Variants in SHTN1 observed in about 807,000 individuals in gnomAD.
The protein encoded by SHTN1 is shootin 1, also known as shootin-1.
SHTN1 carries 42 observed loss-of-function variants against 83.1 expected under a neutral mutation model. The observed-to-expected ratio is 0.51, with a 90% CI of 0.39 to 0.65. The LOEUF is 0.65. Ranked by LOEUF, SHTN1 falls within the 30% of genes least tolerant of loss-of-function variation. The probability of loss-of-function intolerance (pLI) is 0.00; values close to 1 mark genes in which losing one functional copy is unlikely to be tolerated. For synonymous variants in SHTN1, 224 were observed against 247.7 expected, an observed-to-expected ratio of 0.90 and a Z score of 0.90; for missense variants, 622 against 737.8, an observed-to-expected ratio of 0.84 and a Z score of 1.82.
At chr10:116,952,096 T>C (rs1235003362) in intron 5 of SHTN1, 90 bp from the exon 6 acceptor site, 6 of 559,582 alleles carry the variant, frequency 1.1e-5, no homozygotes, top group East Asian at 3.3e-5. Flanking sequence ...TGCCAGTCCA[T>C]GTGCAGCTTA....
At chr10:116,992,858 C>T (rs1851488480) in intron 1 of SHTN1, among the ~76,000 whole-genome samples, 1 of 151,866 alleles carries the variant, frequency 6.6e-6, no homozygotes, top group Non-Finnish European at 1.5e-5. Flanking sequence ...TTTTTGAGGC[C>T]TCTTTGTTCT....
intron 9 of SHTN1, among the ~76,000 whole-genome samples, chr10:116,936,286 G>C (rs1849157822): frequency 6.6e-6 from 1 of 152,072 alleles, no homozygotes; most frequent in Non-Finnish European, 1.5e-5. Context: ...GATCTTTCCT[G>C]CTTTCTCCTG....
At chr10:116,903,374 A>G (rs1412613464) in intron 15 of SHTN1, among the ~76,000 whole-genome samples, 1 of 152,066 alleles carries the variant, frequency 6.6e-6, no homozygotes, top group Non-Finnish European at 1.5e-5. Flanking sequence ...CTCTACTAGA[A>G]ATCAGCCAGG....
intron 7 of SHTN1, among the ~76,000 whole-genome samples, chr10:116,948,381 CACTG>C (rs1343017003): frequency 1.3e-5 from 2 of 152,214 alleles, no homozygotes; most frequent in African/African-American, 4.8e-5. Context: ...TCTCTTATTG[CACTG>C]ACTGTCAGAC....
chr10:117,111,740 A>C (rs969547871), intron 1 of SHTN1, among the ~76,000 whole-genome samples: 3 of 152,066 alleles, frequency 2.0e-5, no homozygotes, highest in African/African-American at 7.3e-5. Context: ...CCTACACTAA[A>C]ACTTAGAACT....
At chr10:116,896,449 T>A in intron 16 of SHTN1, among the ~76,000 whole-genome samples, 1 of 152,058 alleles carries the variant, frequency 6.6e-6, no homozygotes, top group East Asian at 1.9e-4. Context: ...CCAACCAGCT[T>A]CGGCTTGACT....
upstream of SHTN1, among the ~76,000 whole-genome samples, chr10:117,008,631 T>C (rs532457894): frequency 6.4e-4 from 98 of 152,258 alleles, 1 homozygote; most frequent in African/African-American, 2.4e-3. Context: ...TATAAAATGA[T>C]CACAACAGGC....
intron 16 of SHTN1, among the ~76,000 whole-genome samples, chr10:116,896,801 C>CTTTTTT (rs1230730641): frequency 8.2e-6 from 1 of 121,718 alleles, no homozygotes; most frequent in Admixed American, 8.4e-5. Flanking sequence ...TGATCAGGTA[C>CTTTTTT]TTTTTTTTTT....
At chr10:117,077,764 T>A (rs1006747627) in intron 1 of SHTN1, among the ~76,000 whole-genome samples, 2 of 152,154 alleles carry the variant, frequency 1.3e-5, no homozygotes, top group Non-Finnish European at 2.9e-5. Context: ...TTGCTGAGAA[T>A]GATGGTTTCC....
At chr10:116,894,265 T>C (rs1192401331) in intron 16 of SHTN1, among the ~76,000 whole-genome samples, 1 of 152,170 alleles carries the variant, frequency 6.6e-6, no homozygotes, top group African/African-American at 2.4e-5. Flanking sequence ...ACATAGAAAT[T>C]AAATGCAAAT....
chr10:117,091,813 G>A (rs1469271231), intron 1 of SHTN1, among the ~76,000 whole-genome samples: 1 of 152,174 alleles, frequency 6.6e-6, no homozygotes, highest in African/African-American at 2.4e-5. Flanking sequence ...TTTCCAGGAA[G>A]GTTTCTCTAA....
intron 2 of SHTN1, among the ~76,000 whole-genome samples, chr10:117,047,452 T>A (rs1852681255): frequency 6.6e-6 from 1 of 152,164 alleles, no homozygotes; most frequent in Non-Finnish European, 1.5e-5. Flanking sequence ...CACTATTAGA[T>A]CTGGGTGATA....
intron 1 of SHTN1, among the ~76,000 whole-genome samples, chr10:117,086,051 G>T (rs996255679): frequency 6.6e-6 from 1 of 151,352 alleles, no homozygotes; most frequent in African/African-American, 2.4e-5. Context: ...CTCCTGAGTA[G>T]CTGGCACTAC....
At chr10:116,939,357 C>T (rs920075379) in intron 9 of SHTN1, among the ~76,000 whole-genome samples, 1 of 152,184 alleles carries the variant, frequency 6.6e-6, no homozygotes, top group Non-Finnish European at 1.5e-5. Flanking sequence ...AGCGTAGTAT[C>T]TGGGCTGGAG....
chr10:117,056,632 A>T (rs1041366366), intron 1 of SHTN1, among the ~76,000 whole-genome samples: 1 of 152,126 alleles, frequency 6.6e-6, no homozygotes, highest in Non-Finnish European at 1.5e-5. Flanking sequence ...TAACACTGTG[A>T]AACCCCGTCT....
At chr10:116,904,939 C>T (rs529306950) in intron 15 of SHTN1, among the ~76,000 whole-genome samples, 10 of 152,036 alleles carry the variant, frequency 6.6e-5, no homozygotes, top group Admixed American at 1.3e-4. Context: ...CGGTGGCTCA[C>T]GCCTGTAATC....
chr10:116,966,979 T>C (rs745453555), intron 3 of SHTN1, among the ~76,000 whole-genome samples: 5 of 152,266 alleles, frequency 3.3e-5, no homozygotes, highest in Non-Finnish European at 5.9e-5. Flanking sequence ...TCCCCTTGGA[T>C]GTTCTCTGTT....
intron 2 of SHTN1, among the ~76,000 whole-genome samples, chr10:117,040,438 G>T (rs549295340): frequency 5.9e-4 from 89 of 152,114 alleles, no homozygotes; most frequent in Admixed American, 5.2e-3. Context: ...TTCATCAAAT[G>T]GTAATGGAAT....
At chr10:116,938,211 C>T (rs538008471) in intron 9 of SHTN1, among the ~76,000 whole-genome samples, 21 of 151,874 alleles carry the variant, frequency 1.4e-4, no homozygotes, top group Admixed American at 5.2e-4. Flanking sequence ...CCCTTGCTGG[C>T]GAGGAGTTGT....
Sources: gnomAD v4.1 joint callset for allele counts (sites outside exome capture counted in the v4.1 genomes callset) on GRCh38, gnomAD v4.1.1 for gene constraint, MANE v1.5 for transcripts, NCBI Gene and HGNC (gene_info 2026-07-23, HGNC 2026-07-21) for gene names.